The following VPS39 variants were observed in gnomAD, a reference collection of about 807,000 sequenced individuals.
VPS39 encodes VPS39 subunit of HOPS complex, also known as vam6/Vps39-like protein.
A neutral mutation model predicts 121.0 loss-of-function variants in VPS39; 70 were observed. The ratio of observed to expected loss-of-function variants is 0.58; its 90% confidence interval spans 0.48 to 0.71. The LOEUF is 0.71. Among genes scored for constraint, VPS39 ranks in the 30% least tolerant of loss-of-function variants. VPS39 has a pLI of 0.00. For missense variants in VPS39, 818 were observed against 1,051.5 expected, an observed-to-expected ratio of 0.78 and a Z score of 3.07; for synonymous variants, 378 against 398.1, an observed-to-expected ratio of 0.95 and a Z score of 0.60.
At chr15:42,189,621 C>G (rs112338004) in intron 4 of VPS39, among the ~76,000 whole-genome samples, 147 of 149,114 alleles carry the variant, frequency 9.9e-4, no homozygotes, top group African/African-American at 3.4e-3. Context: ...CCCAGCTACT[C>G]AGGGGGTTGA....
At chr15:42,201,057 G>A (rs185262000) in intron 1 of VPS39, among the ~76,000 whole-genome samples, 85 of 152,264 alleles carry the variant, frequency 5.6e-4, no homozygotes, top group Non-Finnish European at 1.0e-3. Context: ...AAAATAGAAA[G>A]TAAATACTAA....
In VPS39 at chr15:42,178,518, T is replaced by C; in HGVS notation, c.771A>G (p.Arg257=). ...GGACCAGAAGCCTCGGTTCAAATGTTCGGATCTCAACATATCGAGGCAACA... is the reference window on the plus strand; with the variant it reads ...GGACCAGAAGCCTCGGTTCAAATGTCCGGATCTCAACATATCGAGGCAACA... ...IAVLPRYVEI[R]TFEPRLLVQS... The change falls in exon 9 of 25, where the codon CGA becomes CGG. Residue 257 remains arginine, a synonymous_variant. Coordinates refer to ENST00000318006, the MANE Select transcript of VPS39 (RefSeq NM_015289.5). 1 of 1,614,150 alleles carries C rather than the reference T, an allele frequency of 6.2e-7. No homozygotes were observed. Among genetic ancestry groups the C allele is most frequent in the Non-Finnish European group, 8.5e-7 (1 of 1,180,030 alleles).
rs1330637295 is a variant in VPS39 at position 42,188,793 on chromosome 15, C to G, written c.342+321G>C. 3.9e-5 allele frequency among the ~76,000 whole-genome samples: 6 copies of G among 152,164 alleles called. No homozygotes were observed. The East Asian group carries it at 1.2e-3, about 29-fold the overall frequency. ...CCTGGCCAACATGGTGAAACCCCAT[C>G]TCTAATTTAAAAAAATACAAAAAAT... On this transcript the variant is annotated intron_variant, in intron 5 of 24. Coordinates refer to ENST00000318006, the MANE Select transcript of VPS39 (RefSeq NM_015289.5).
At chr15:42,191,950 A>G in intron 2 of VPS39, 5 of 1,248,308 alleles carry the variant, frequency 4.0e-6, no homozygotes, top group Non-Finnish European at 5.6e-6. Context: ...AAGCATCCTT[A>G]GATCTAGACC....
chr15:42,171,100 G>T (rs1472126642), intron 11 of VPS39, among the ~76,000 whole-genome samples: 1 of 152,094 alleles, frequency 6.6e-6, no homozygotes, highest in African/African-American at 2.4e-5. Flanking sequence ...CTGGGGGCTG[G>T]TTATATAATT....
Position 42,208,128 on chromosome 15 carries a change from G to C in VPS39, c.26C>G (p.Pro9Arg). 6.3e-7 allele frequency: 1 copy of C among 1,587,572 alleles called. No individual in the cohort carries two copies. Among genetic ancestry groups the C allele is most frequent in the Non-Finnish European group, 8.6e-7 (1 of 1,166,250 alleles). The change falls in exon 1 of 25, where the codon CCG (proline) becomes CGG (arginine). Residue 9 changes from proline to arginine, a missense_variant. Physicochemically the swap from Pro to Arg is moderately radical, Grantham distance 103 (BLOSUM62 -2). Transcript: ENST00000318006. ...TTGCAGAGGCAGCTTTTCTAGGATC[G>C]GCACTGGCTCGAAAGCGTCGTGCAT... MHDAFEPV[P>R]ILEKLPLQID...
Position 42,169,796 on chromosome 15 carries a change from G to A in VPS39, c.1161C>T (p.Pro387=). The A allele has an allele frequency of 6.2e-7, 1 of 1,614,118 alleles. No homozygotes were observed. Among genetic ancestry groups the A allele is most frequent in the Non-Finnish European group, 8.5e-7 (1 of 1,180,026 alleles). Residue 387 remains proline (P), a synonymous_variant, in exon 12 of 25, where the codon CCC becomes CCT. Coordinates refer to ENST00000318006, the MANE Select transcript of VPS39 (RefSeq NM_015289.5). ...PTDYRKQLQY[P]NPLPVLSGAE... is the part of the protein sequence containing the mutation. ...CCCCGGAGAGCACAGGCAATGGGTT[G>A]GGATACTGCAACTGCTTTCTGTAGT... is the stretch of plus-strand genomic sequence containing the variant.
At position 42,164,445 on chromosome 15, in the gene VPS39, C is replaced by A; in HGVS notation, c.1939G>T (p.Gly647Ter). Residue 647 changes from glycine (G) to a stop codon, truncating the protein, a stop_gained, in exon 19 of 25, where the codon GGA becomes TGA. Coordinates refer to ENST00000318006, the MANE Select transcript of VPS39 (RefSeq NM_015289.5). LOFTEE classifies it high-confidence loss of function. The part of the protein sequence containing the change: ...VPAGEEEGEL[G>*]EYRQKLLMFL... ...ATGAGGAGCTTTTGCCGGTATTCTC[C>A]CAGCTCACCCTCTTCCTCTCCAGCT... 10 of 1,614,066 alleles carry A rather than the reference C, an allele frequency of 6.2e-6. No individual in the cohort carries two copies. Among genetic ancestry groups the A allele is most frequent in the Non-Finnish European group, 7.6e-6 (9 of 1,179,944 alleles).
chr15:42,204,786 TC>T (rs2050136697), intron 1 of VPS39, among the ~76,000 whole-genome samples: 2 of 152,184 alleles, frequency 1.3e-5, no homozygotes, highest in Admixed American at 1.3e-4. Flanking sequence ...TATCCTCTCT[TC>T]TCCCTTCTGC....
chr15:42,177,174 A>C (rs1390204271), intron 10 of VPS39, among the ~76,000 whole-genome samples: 5 of 151,278 alleles, frequency 3.3e-5, no homozygotes, highest in African/African-American at 4.8e-5. Flanking sequence ...AAAAAAAAAA[A>C]AAAAAAAAAA....
At chr15:42,184,394 G>A in intron 8 of VPS39, 123 bp downstream of exon 8, 1 of 980,804 alleles carries the variant, frequency 1.0e-6, no homozygotes, top group Non-Finnish European at 1.4e-6. Flanking sequence ...TATAAGAAGG[G>A]GAACTGAAAG....
chr15:42,195,758 G>T (rs576620905), intron 2 of VPS39, among the ~76,000 whole-genome samples: 5 of 152,134 alleles, frequency 3.3e-5, no homozygotes, highest in Non-Finnish European at 7.4e-5. Context: ...AGGTAATTTA[G>T]AGATTCAATG....
chr15:42,179,273 G>A (rs1296608062), intron 8 of VPS39, among the ~76,000 whole-genome samples: 1 of 151,994 alleles, frequency 6.6e-6, no homozygotes, highest in Non-Finnish European at 1.5e-5. Flanking sequence ...TTAGAAAAGT[G>A]GCGGGAGGGG....
chr15:42,166,759 A>G lies in VPS39; in HGVS notation c.1519+13T>C. 6.2e-7 allele frequency: 1 copy of G among 1,613,444 alleles called. No homozygotes were observed. The highest frequency in any genetic ancestry group is 8.5e-7 in the Non-Finnish European group (1 of 1,179,476). On this transcript the variant is annotated intron_variant, in intron 14 of 24. Coordinates refer to ENST00000318006, the MANE Select transcript of VPS39 (RefSeq NM_015289.5). Reference sequence around the variant, plus strand: ...CAAGAGCCCCTCCCAGATCCAAGGAACCACTCCCACACCTTTCTCGTGGAG... The same window carrying G: ...CAAGAGCCCCTCCCAGATCCAAGGAGCCACTCCCACACCTTTCTCGTGGAG...
intron 10 of VPS39, among the ~76,000 whole-genome samples, chr15:42,177,132 C>T (rs2049467119): frequency 7.1e-6 from 1 of 140,192 alleles, no homozygotes; most frequent in Non-Finnish European, 1.5e-5. Flanking sequence ...CACTGCACTC[C>T]AGTCTGGGTG....
chr15:42,199,727 A>C, intron 2 of VPS39, 169 bp downstream of exon 2: 1 of 641,600 alleles, frequency 1.6e-6, no homozygotes, highest in Non-Finnish European at 2.6e-6. Context: ...AGGGCAATAC[A>C]ATTTGGAGGA....
At chr15:42,161,459 C>G in intron 24 of VPS39, 1 of 649,110 alleles carries the variant, frequency 1.5e-6, no homozygotes, top group South Asian at 1.6e-5. Context: ...GGACAAGAAT[C>G]CAACAGCTCC....
intron 4 of VPS39, among the ~76,000 whole-genome samples, chr15:42,189,669 C>T (rs1324257446): frequency 1.5e-5 from 2 of 132,208 alleles, no homozygotes; most frequent in African/African-American, 2.9e-5. Flanking sequence ...TCAGAAGTTG[C>T]AGTGAGCCAG....
At chr15:42,191,630 T>A in intron 2 of VPS39, 70 bp from the exon 3 acceptor site, 1 of 1,199,300 alleles carries the variant, frequency 8.3e-7, no homozygotes, top group South Asian at 1.3e-5. Context: ...ACTAGAAAAA[T>A]ACTGCTCCAT....
Sources: allele counts gnomAD v4.1 joint callset (sites outside exome capture counted in the v4.1 genomes callset), GRCh38; gene constraint gnomAD v4.1.1; transcripts MANE v1.5; gene names NCBI Gene and HGNC (gene_info 2026-07-23, HGNC 2026-07-21).